Variants in ZFPM2 observed in about 807,000 individuals in gnomAD.
ZFPM2 encodes the protein zinc finger protein, FOG family member 2, also known as zinc finger protein ZFPM2.
ZFPM2 carries 20 observed loss-of-function variants against 98.6 expected under a neutral mutation model. That is an observed-to-expected ratio of 0.20 (90% CI 0.14 to 0.29). The LOEUF is 0.29. Among genes scored for constraint, ZFPM2 ranks in the 10% least tolerant of loss-of-function variants. The pLI, the probability that ZFPM2 is intolerant of heterozygous loss-of-function variation, is 1.00. For missense variants in ZFPM2, 1,310 were observed against 1,388.6 expected, an observed-to-expected ratio of 0.94 and a Z score of 0.90; for synonymous variants, 518 against 502.7, an observed-to-expected ratio of 1.03 and a Z score of -0.41.
Position 105,419,184 on chromosome 8 carries a change from T to C in ZFPM2, c.81T>C (p.Cys27=). The change falls in exon 2 of 8, where the codon TGT becomes TGC. Residue 27 remains cysteine, a synonymous_variant. Coordinates refer to ENST00000407775, the MANE Select transcript of ZFPM2 (RefSeq NM_012082.4). ...CCATTGAAGATGAGGAAGAAGAATG[T>C]CCATCAGAGGAAACAGACATCATCT... ...EDAIEDEEEE[C]PSEETDIISK... is the part of the protein sequence containing the mutation. 6.2e-7 allele frequency: 1 copy of C among 1,613,614 alleles called. No individual in the cohort carries two copies. Among genetic ancestry groups the C allele is most frequent in the South Asian group, 1.1e-5 (1 of 91,018 alleles).
At chr8:105,794,559 G>C (rs550207634) in intron 6 of ZFPM2, among the ~76,000 whole-genome samples, 37 of 152,286 alleles carry the variant, frequency 2.4e-4, no homozygotes, top group African/African-American at 3.1e-4. Flanking sequence ...GGCAGTCTGC[G>C]GGTTCTCAGA....
At chr8:105,562,100 G>A (rs1815150693) in intron 4 of ZFPM2, among the ~76,000 whole-genome samples, 1 of 152,020 alleles carries the variant, frequency 6.6e-6, no homozygotes, top group Non-Finnish European at 1.5e-5. Flanking sequence ...GAGGTCAGGA[G>A]TTCGAGACCA....
chr8:105,797,914 A>G (rs1191782486), intron 6 of ZFPM2, among the ~76,000 whole-genome samples: 1 of 152,026 alleles, frequency 6.6e-6, no homozygotes, highest in East Asian at 1.9e-4. Context: ...ATGTCCATCA[A>G]CCCAAGGAGA....
chr8:105,421,628 A>G (rs1437131499), intron 2 of ZFPM2, among the ~76,000 whole-genome samples: 5 of 152,192 alleles, frequency 3.3e-5, no homozygotes, highest in Non-Finnish European at 7.3e-5. Flanking sequence ...TTGATGAGCT[A>G]CAATGGAAAG....
chr8:105,683,276 A>G (rs1810651703), intron 5 of ZFPM2, among the ~76,000 whole-genome samples: 1 of 152,110 alleles, frequency 6.6e-6, no homozygotes, highest in Non-Finnish European at 1.5e-5. Flanking sequence ...GCCTGACCCC[A>G]TTGGTATGTG....
At chr8:105,656,650 A>G (rs564808305) in intron 5 of ZFPM2, among the ~76,000 whole-genome samples, 98 of 152,334 alleles carry the variant, frequency 6.4e-4, no homozygotes, top group African/African-American at 9.4e-4. Flanking sequence ...TGGTTTTTCG[A>G]GTTCAATCTT....
chr8:105,610,385 A>G (rs1249230011), intron 4 of ZFPM2, among the ~76,000 whole-genome samples: 1 of 152,168 alleles, frequency 6.6e-6, no homozygotes, highest in African/African-American at 2.4e-5. Flanking sequence ...GAAATTACTG[A>G]TATTGGAACT....
intron 4 of ZFPM2, among the ~76,000 whole-genome samples, chr8:105,592,659 T>C (rs1220300086): frequency 2.6e-5 from 4 of 152,070 alleles, no homozygotes; most frequent in African/African-American, 9.7e-5. Flanking sequence ...ATTCTGTGAG[T>C]TGAAAGAGGA....
intron 3 of ZFPM2, among the ~76,000 whole-genome samples, chr8:105,489,178 A>G (rs377429499): frequency 6.6e-6 from 1 of 151,940 alleles, no homozygotes; most frequent in African/African-American, 2.4e-5. Flanking sequence ...AACAGAGGCC[A>G]CCACTGCCAC....
At chr8:105,600,931 A>G (rs1280234302) in intron 4 of ZFPM2, among the ~76,000 whole-genome samples, 1 of 152,066 alleles carries the variant, frequency 6.6e-6, no homozygotes, top group African/African-American at 2.4e-5. Context: ...ATATTTTTAA[A>G]ATGAGAATAC....
At chr8:105,754,195 G>A (rs892700053) in intron 5 of ZFPM2, among the ~76,000 whole-genome samples, 1 of 152,100 alleles carries the variant, frequency 6.6e-6, no homozygotes, top group African/African-American at 2.4e-5. Flanking sequence ...AAGCTAGACT[G>A]GAAATTGGGG....
At chr8:105,459,880 G>A (rs1215197388) in intron 3 of ZFPM2, among the ~76,000 whole-genome samples, 2 of 152,118 alleles carry the variant, frequency 1.3e-5, no homozygotes, top group Non-Finnish European at 2.9e-5. Flanking sequence ...TGGATACGGT[G>A]GCTGTAACCA....
intron 1 of ZFPM2, among the ~76,000 whole-genome samples, chr8:105,372,025 TA>T (rs1810632031): frequency 6.8e-6 from 1 of 148,044 alleles, no homozygotes; most frequent in Admixed American, 6.8e-5. Context: ...TTATTATTAT[TA>T]TTATTATTAT....
chr8:105,346,340 C>T (rs568275060), intron 1 of ZFPM2, among the ~76,000 whole-genome samples: 16 of 151,280 alleles, frequency 1.1e-4, no homozygotes, highest in Non-Finnish European at 1.9e-4. Context: ...GCCGAGATCA[C>T]GCCATTGCAC....
intron 1 of ZFPM2, among the ~76,000 whole-genome samples, chr8:105,337,141 A>G (rs1231610088): frequency 6.6e-6 from 1 of 151,652 alleles, no homozygotes; most frequent in Non-Finnish European, 1.5e-5. Flanking sequence ...CTGGTTTGCT[A>G]TTTCTATCTC....
At chr8:105,707,655 A>T (rs564595806) in intron 5 of ZFPM2, among the ~76,000 whole-genome samples, 24 of 152,330 alleles carry the variant, frequency 1.6e-4, no homozygotes, top group African/African-American at 4.3e-4. Flanking sequence ...CTGTATCAAA[A>T]TGTAAATGTA....
chr8:105,709,083 G>A (rs1204401376), intron 5 of ZFPM2, among the ~76,000 whole-genome samples: 1 of 152,172 alleles, frequency 6.6e-6, no homozygotes, highest in Admixed American at 6.5e-5. Flanking sequence ...AGAAAGGGGA[G>A]AACCTGAACA....
In ZFPM2 at chr8:105,393,330, C is replaced by CTGTCTGTCTTTCTTTCTTTT. The variant is rs1245789213; in HGVS notation, c.41-25813_41-25812insGTCTGTCTTTCTTTCTTTTT. Among the ~76,000 whole-genome samples, 4 of 132,834 alleles carry CTGTCTGTCTTTCTTTCTTTT rather than the reference C, an allele frequency of 3.0e-5. No homozygotes were observed. In the Admixed American group the frequency reaches 3.0e-4, roughly 10 times the overall value. 87.1% of individuals were successfully genotyped at this position (132,834 alleles called of 152,430 possible). A position where few individuals can be genotyped will look rare whatever the true frequency, so the allele number is the denominator to read the frequency against. On this transcript the variant is annotated intron_variant, in intron 1 of 7. Transcript: ENST00000407775. ...CTTCCTTTCTTCCTTCCCTCTCTCT[C>CTGTCTGTCTTTCTTTCTTTT]TCTTTGCCTTTCTTTCTTTCTTTCT...
intron 6 of ZFPM2, among the ~76,000 whole-genome samples, chr8:105,791,994 A>G (rs1813628088): frequency 6.6e-6 from 1 of 151,866 alleles, no homozygotes; most frequent in Non-Finnish European, 1.5e-5. Flanking sequence ...TTTCTTTATT[A>G]GTCTTGCTAG....
Sources: gnomAD v4.1 joint callset for allele counts (sites outside exome capture counted in the v4.1 genomes callset) on GRCh38, gnomAD v4.1.1 for gene constraint, MANE v1.5 for transcripts, NCBI Gene and HGNC (gene_info 2026-07-23, HGNC 2026-07-21) for gene names.